Variants in POM121C observed in about 807,000 individuals in gnomAD.
The protein encoded by POM121C is nuclear envelope pore membrane protein POM 121C.
A neutral mutation model predicts 66.4 loss-of-function variants in POM121C; 20 were observed. That is an observed-to-expected ratio of 0.30 (90% CI 0.21 to 0.44). The LOEUF is 0.44. Ranked by LOEUF, POM121C falls within the 20% of genes least tolerant of loss-of-function variation. The pLI is 1.00. For synonymous variants in POM121C, 286 were observed against 528.0 expected (o/e 0.54, Z 6.28); for missense variants, 580 against 1,225.7 (o/e 0.47, Z 7.87).
At chr7:75,465,589 C>T (rs1178355310) in intron 3 of POM121C, among the ~76,000 whole-genome samples, 5 of 151,442 alleles carry the variant, frequency 3.3e-5, no homozygotes, top group African/African-American at 1.2e-4. Flanking sequence ...CCCGTCTCTA[C>T]TGAAAAGACA....
At chr7:75,427,632 G>C (rs1420974808) in intron 7 of POM121C, among the ~76,000 whole-genome samples, 2 of 151,732 alleles carry the variant, frequency 1.3e-5, no homozygotes, top group African/African-American at 4.8e-5. Flanking sequence ...AGATGGCACA[G>C]AGCGGACACT....
chr7:75,422,059 A>G lies in POM121C; in HGVS notation c.2193T>C (p.Thr731=). ...GGGCCGGGGCTGCAGAGTTTCCAAA[A>G]GTGAAAGAGCTGCCAAAGCTGGGGG... ...ALTPSFGSSF[T]FGNSAAPAPA... The change falls in exon 13 of 15, where the codon ACT becomes ACC. Residue 731 remains threonine (T), a synonymous_variant. Coordinates refer to ENST00000615331, the MANE Select transcript of POM121C (RefSeq NM_001099415.3). The G allele has an allele frequency of 6.2e-7, 1 of 1,610,968 alleles. No individual in the cohort carries two copies.
intron 1 of POM121C, among the ~76,000 whole-genome samples, chr7:75,479,675 AATAG>A (rs1395892958): frequency 1.3e-5 from 2 of 150,856 alleles, no homozygotes; most frequent in East Asian, 1.9e-4. Context: ...ACAACAACGT[AATAG>A]ATAGTGTGTG....
intron 1 of POM121C, among the ~76,000 whole-genome samples, chr7:75,481,377 C>G (rs1792304782): frequency 1.3e-5 from 2 of 151,972 alleles, no homozygotes; most frequent in African/African-American, 2.4e-5. Context: ...AAAAGAATCA[C>G]AACTTCTATG....
At chr7:75,429,206 C>T (rs1212937553) in intron 7 of POM121C, among the ~76,000 whole-genome samples, 1 of 152,220 alleles carries the variant, frequency 6.6e-6, no homozygotes, top group African/African-American at 2.4e-5. Flanking sequence ...TTATCATAGA[C>T]ATGAGTGTAT....
At position 75,424,602 on chromosome 7, in the gene POM121C, C is replaced by T. The variant is rs376104838; in HGVS notation, c.795G>A (p.Ser265=). 4.4e-5 allele frequency: 71 copies of T among 1,613,738 alleles called. No individual in the cohort carries two copies. Among genetic ancestry groups the T allele is most frequent in the Admixed American group, 1.3e-4 (8 of 59,976 alleles). ...CTAAGTCTAGGTCCTCGGCAGTGAT[C>T]GAATAGCCAAGCTGGGGAGGTGGAG... is the stretch of plus-strand genomic sequence containing the variant. The part of the protein sequence containing the change: ...TLPPPPQLGY[S]ITAEDLDLEK... The change falls in exon 11 of 15, where the codon TCG becomes TCA. Residue 265 remains serine (S), a synonymous_variant. Coordinates refer to ENST00000615331, the MANE Select transcript of POM121C (RefSeq NM_001099415.3).
intron 1 of POM121C, among the ~76,000 whole-genome samples, chr7:75,476,465 C>G (rs780955882): frequency 5.3e-5 from 8 of 151,972 alleles, no homozygotes; most frequent in South Asian, 2.1e-4. Context: ...TTATAAAGAA[C>G]ATATCAACAA....
At chr7:75,473,978 G>A (rs587617023) in intron 3 of POM121C, among the ~76,000 whole-genome samples, 21 of 152,234 alleles carry the variant, frequency 1.4e-4, no homozygotes, top group African/African-American at 4.6e-4. Context: ...GTTAGCCACC[G>A]CGCCCGGCCA....
intron 3 of POM121C, among the ~76,000 whole-genome samples, chr7:75,464,418 C>T (rs202019573): frequency 0.15 from 22,085 of 143,028 alleles, no homozygotes; most frequent in East Asian, 0.2. Flanking sequence ...AGCAACATGG[C>T]GAAACCCCCT....
chr7:75,454,758 G>A (rs1381761532), intron 3 of POM121C, among the ~76,000 whole-genome samples: 3 of 152,396 alleles, frequency 2.0e-5, no homozygotes, highest in South Asian at 4.1e-4. Context: ...TGCTGATGCC[G>A]GAGGCAGCTA....
intron 1 of POM121C, among the ~76,000 whole-genome samples, chr7:75,476,549 G>A (rs181812117): frequency 1.2e-4 from 18 of 152,184 alleles, no homozygotes; most frequent in African/African-American, 4.3e-4. Context: ...TGCTAGGCTG[G>A]TGGGCTGAGA....
At chr7:75,462,304 C>T (rs1554477156) in intron 3 of POM121C, among the ~76,000 whole-genome samples, 1 of 152,152 alleles carries the variant, frequency 6.6e-6, no homozygotes, top group African/African-American at 2.4e-5. Context: ...TGTTAGCTTT[C>T]CACCATGATT....
chr7:75,442,725 C>T (rs1392548686), intron 3 of POM121C: 5 of 1,359,122 alleles, frequency 3.7e-6, no homozygotes, highest in Admixed American at 4.0e-5. Context: ...GACATCGCGG[C>T]TCCGCGCCGC....
At chr7:75,419,267 C>T in intron 14 of POM121C, 53 bp downstream of exon 14, 2 of 1,559,028 alleles carry the variant, frequency 1.3e-6, no homozygotes. Context: ...TGCCACCCCA[C>T]CCAACCTCTC....
chr7:75,462,169 G>A (rs587694174), intron 3 of POM121C, among the ~76,000 whole-genome samples: 14 of 147,006 alleles, frequency 9.5e-5, no homozygotes, highest in African/African-American at 3.6e-4. Context: ...TCACGGGCGC[G>A]GTTTGCCCTA....
chr7:75,442,935 C>A (rs587756048), intron 3 of POM121C: 1 of 631,482 alleles, frequency 1.6e-6, no homozygotes, highest in Admixed American at 6.3e-5. Context: ...GAGACGATCC[C>A]GTCCGGGATC....
At chr7:75,442,733 C>A (rs1205226129) in intron 3 of POM121C, 12 of 1,352,960 alleles carry the variant, frequency 8.9e-6, no homozygotes, top group African/African-American at 7.7e-5. Context: ...GGCTCCGCGC[C>A]GCGGAGGAGA....
At chr7:75,483,629 A>G (rs1792398057) in intron 1 of POM121C, among the ~76,000 whole-genome samples, 1 of 152,236 alleles carries the variant, frequency 6.6e-6, no homozygotes, top group African/African-American at 2.4e-5. Flanking sequence ...GGACTAATAC[A>G]GATGGCATTT....
At chr7:75,430,805 G>A (rs1370566000) in intron 7 of POM121C, among the ~76,000 whole-genome samples, 12 of 152,044 alleles carry the variant, frequency 7.9e-5, no homozygotes, top group East Asian at 1.9e-4. Flanking sequence ...GGCCAGGCGC[G>A]GTGGCTCATG....
Sources: allele counts gnomAD v4.1 joint callset (sites outside exome capture counted in the v4.1 genomes callset), GRCh38; gene constraint gnomAD v4.1.1; transcripts MANE v1.5; gene names NCBI Gene and HGNC (gene_info 2026-07-23, HGNC 2026-07-21).